The following TRPM3 variants were observed in gnomAD, a reference collection of about 807,000 sequenced individuals.
TRPM3 encodes long transient receptor potential channel 3.
A neutral mutation model predicts 181.2 loss-of-function variants in TRPM3; 77 were observed. The observed-to-expected ratio is 0.42, with a 90% confidence interval of 0.35 to 0.51. The LOEUF is 0.51. Ranked by LOEUF, TRPM3 falls within the 20% of genes least tolerant of loss-of-function variation. The pLI is 0.01. For missense variants in TRPM3, 1,759 were observed against 2,196.7 expected (o/e 0.80, Z 3.98); for synonymous variants, 745 against 796.4 (o/e 0.94, Z 1.09).
At chr9:70,652,654 T>G (rs1252524843) in intron 9 of TRPM3, among the ~76,000 whole-genome samples, 1 of 152,180 alleles carries the variant, frequency 6.6e-6, no homozygotes. Flanking sequence ...ACTTTGCTAA[T>G]TGGAAAATAG....
intron 20 of TRPM3, among the ~76,000 whole-genome samples, chr9:70,599,170 A>G (rs956961055): frequency 2.0e-5 from 3 of 152,136 alleles, no homozygotes; most frequent in Non-Finnish European, 4.4e-5. Flanking sequence ...ATCACATCTT[A>G]CAGATTGCAG....
intron 1 of TRPM3, among the ~76,000 whole-genome samples, chr9:71,396,891 G>A (rs1006812386): frequency 1.3e-5 from 2 of 151,588 alleles, no homozygotes; most frequent in African/African-American, 4.8e-5. Flanking sequence ...GCTTGAACCC[G>A]GGAGGTGGAG....
intron 1 of TRPM3, among the ~76,000 whole-genome samples, chr9:71,254,590 T>C (rs1309781533): frequency 6.6e-6 from 1 of 152,232 alleles, no homozygotes; most frequent in East Asian, 1.9e-4. Flanking sequence ...ATGTACATGA[T>C]AAATATATAT....
At chr9:70,833,206 C>G (rs2094070023) in intron 5 of TRPM3, among the ~76,000 whole-genome samples, 1 of 152,140 alleles carries the variant, frequency 6.6e-6, no homozygotes, top group African/African-American at 2.4e-5. Context: ...GTCCTGTGGT[C>G]TCTTCCATTT....
chr9:70,592,100 T>C (rs768919494), intron 21 of TRPM3, among the ~76,000 whole-genome samples: 62 of 152,272 alleles, frequency 4.1e-4, no homozygotes, highest in Non-Finnish European at 3.1e-4. Context: ...ATTTTCCTTT[T>C]ATCACTCAAA....
chr9:70,795,779 T>G (rs1052379744), intron 6 of TRPM3, among the ~76,000 whole-genome samples: 3 of 152,230 alleles, frequency 2.0e-5, no homozygotes, highest in African/African-American at 7.2e-5. Flanking sequence ...TTTTACATAA[T>G]CAATGGGAGC....
chr9:70,894,948 T>A (rs1485256485), intron 1 of TRPM3, among the ~76,000 whole-genome samples: 1 of 152,180 alleles, frequency 6.6e-6, no homozygotes, highest in African/African-American at 2.4e-5. Context: ...CAGACAACTT[T>A]GGCTTGAATG....
intron 1 of TRPM3, among the ~76,000 whole-genome samples, chr9:70,992,270 C>G (rs1210897243): frequency 1.3e-5 from 2 of 152,214 alleles, no homozygotes; most frequent in African/African-American, 2.4e-5. Flanking sequence ...AGCTGGTGTT[C>G]TAGTCAGTGT....
At chr9:70,847,155 C>A (rs767647192) in intron 3 of TRPM3, among the ~76,000 whole-genome samples, 23 of 152,134 alleles carry the variant, frequency 1.5e-4, no homozygotes, top group South Asian at 6.2e-4. Context: ...AAAGGCAGGA[C>A]AACTATTCTT....
chr9:71,150,430 C>T (rs930488577), intron 1 of TRPM3, among the ~76,000 whole-genome samples: 5 of 152,092 alleles, frequency 3.3e-5, no homozygotes, highest in Non-Finnish European at 5.9e-5. Flanking sequence ...TTCCTCCTCA[C>T]ACTCTCTTAT....
chr9:71,361,951 T>G (rs2092164917), intron 1 of TRPM3, among the ~76,000 whole-genome samples: 1 of 152,124 alleles, frequency 6.6e-6, no homozygotes, highest in Non-Finnish European at 1.5e-5. Flanking sequence ...TGAAAGAGAT[T>G]ATAGAATCAC....
At chr9:71,004,448 C>T (rs13288445) in intron 1 of TRPM3, among the ~76,000 whole-genome samples, 10,167 of 152,286 alleles carry the variant, frequency 0.067, 529 homozygotes, top group African/African-American at 0.14. Context: ...CGCAGAATGG[C>T]GGTTAAGCTC....
intron 1 of TRPM3, among the ~76,000 whole-genome samples, chr9:70,886,316 T>C (rs1393223396): frequency 3.3e-5 from 5 of 152,188 alleles, no homozygotes; most frequent in African/African-American, 1.2e-4. Flanking sequence ...TGGAGCATCG[T>C]TGGTGGAACT....
rs117156777 is a variant in TRPM3, at chr9:71,349,766, G to A, written c.183+96887C>T. 9.4e-3 allele frequency among the ~76,000 whole-genome samples: 1,437 copies of A among 152,078 alleles called. 10 individuals are homozygous for A. Among genetic ancestry groups the A allele is most frequent in the Middle Eastern group, 0.024 (7 of 290 alleles). On this transcript the variant is annotated intron_variant, in intron 1 of 24. Transcript: ENST00000357533. Reference sequence around the variant, plus strand: ...CTATGTTGTGAAATCTTTCCCCCACGTGAATTCTTACACTCTGCTACAGAA... The same window carrying A: ...CTATGTTGTGAAATCTTTCCCCCACATGAATTCTTACACTCTGCTACAGAA...
intron 1 of TRPM3, among the ~76,000 whole-genome samples, chr9:71,199,070 T>A (rs1455684406): frequency 6.7e-6 from 1 of 150,114 alleles, no homozygotes; most frequent in Non-Finnish European, 1.5e-5. Context: ...TTATTGAGAG[T>A]TTTTAGCATG....
intron 1 of TRPM3, among the ~76,000 whole-genome samples, chr9:71,362,384 C>T (rs2092185732): frequency 6.6e-6 from 1 of 152,186 alleles, no homozygotes. Context: ...ACCTCAGGGC[C>T]TTCTTTCAGA....
At chr9:71,275,829 A>G (rs2084164124) in intron 1 of TRPM3, among the ~76,000 whole-genome samples, 1 of 147,506 alleles carries the variant, frequency 6.8e-6, no homozygotes, top group Non-Finnish European at 1.5e-5. Flanking sequence ...ATGTAGATCA[A>G]TGGAGAAAGA....
At chr9:70,939,803 T>C (rs1373956193) in intron 1 of TRPM3, among the ~76,000 whole-genome samples, 1 of 152,202 alleles carries the variant, frequency 6.6e-6, no homozygotes, top group Non-Finnish European at 1.5e-5. Context: ...GGCATTCTCA[T>C]CTATTGGTAA....
At chr9:70,656,386 G>C (rs537760575) in intron 9 of TRPM3, among the ~76,000 whole-genome samples, 1 of 152,320 alleles carries the variant, frequency 6.6e-6, no homozygotes, top group South Asian at 2.1e-4. Context: ...GCTTTAGGCG[G>C]TCTAGTCCAC....
Sources: gnomAD v4.1 joint callset for allele counts (sites outside exome capture counted in the v4.1 genomes callset) on GRCh38, gnomAD v4.1.1 for gene constraint, MANE v1.5 for transcripts, NCBI Gene and HGNC (gene_info 2026-07-23, HGNC 2026-07-21) for gene names.